The following MED15 variants were observed in gnomAD, a reference collection of about 807,000 sequenced individuals.
The protein encoded by MED15 is mediator complex subunit 15.
Under a neutral mutation model 118.7 loss-of-function variants are expected in MED15, and 41 were observed. The observed-to-expected ratio is 0.35, with a 90% CI of 0.27 to 0.45. MED15 has a LOEUF of 0.45. Among genes scored for constraint, MED15 ranks in the 20% least tolerant of loss-of-function variants. The pLI is 1.00. For missense variants in MED15, 740 were observed against 1,025.5 expected, an observed-to-expected ratio of 0.72 and a Z score of 3.80; for synonymous variants, 436 against 413.9, an observed-to-expected ratio of 1.05 and a Z score of -0.65.
At chr22:20,530,114 A>G (rs1285784816) in intron 1 of MED15, among the ~76,000 whole-genome samples, 1 of 152,094 alleles carries the variant, frequency 6.6e-6, no homozygotes, top group African/African-American at 2.4e-5. Flanking sequence ...CTGATATTGT[A>G]TAACTCTCCT....
At chr22:20,537,321 C>T (rs1029905722) in intron 2 of MED15, 117 bp downstream of exon 2, 11 of 797,702 alleles carry the variant, frequency 1.4e-5, no homozygotes, top group Middle Eastern at 3.3e-4. Context: ...GGTTGCTCAT[C>T]GATTGATCAC....
At chr22:20,532,666 GC>G (rs1285130854) in intron 1 of MED15, among the ~76,000 whole-genome samples, 1 of 152,160 alleles carries the variant, frequency 6.6e-6, no homozygotes, top group African/African-American at 2.4e-5. Flanking sequence ...GTGGCCCCCA[GC>G]CCCCTTCCTC....
intron 1 of MED15, among the ~76,000 whole-genome samples, chr22:20,516,309 G>A (rs954131800): frequency 3.3e-5 from 5 of 151,480 alleles, no homozygotes; most frequent in East Asian, 1.9e-4. Context: ...GCGAAACTCC[G>A]TCTCAATAAA....
At chr22:20,523,845 C>CT (rs34760138) in intron 1 of MED15, 8 of 985,258 alleles carry the variant, frequency 8.1e-6, no homozygotes, top group East Asian at 2.3e-4. Flanking sequence ...GGGCAGCAGC[C>CT]TTTTCTGCAG....
chr22:20,522,419 G>A (rs2054495874), intron 1 of MED15, among the ~76,000 whole-genome samples: 1 of 152,078 alleles, frequency 6.6e-6, no homozygotes, highest in Admixed American at 6.6e-5. Context: ...AATTTACTGG[G>A]TGCAGTGACA....
chr22:20,575,171 C>T lies in MED15; in HGVS notation c.1211C>T (p.Thr404Ile). 6.2e-7 allele frequency: 1 copy of T among 1,614,238 alleles called. No individual in the cohort carries two copies. Among genetic ancestry groups the T allele is most frequent in the African/African-American group, 1.3e-5 (1 of 75,076 alleles). The change falls in exon 9 of 18, where the codon ACC (threonine) becomes ATC (isoleucine). Residue 404 changes from threonine to isoleucine, a missense_variant. Around this residue, in one of 7 missense-constraint regions of MED15, gnomAD observed 384 missense variants for 506.3 expected, o/e 0.76. Transcript: ENST00000263205. ...GMHIRARFPPTTAVSAIPSSS... is the reference protein window; with the variant it reads ...GMHIRARFPPITAVSAIPSSS... ...CACATAAGAGCCCGGTTCCCGCCTA[C>T]CACCGCTGTGTCCGCCATCCCGTCA... is the stretch of plus-strand genomic sequence containing the variant.
intron 1 of MED15, among the ~76,000 whole-genome samples, chr22:20,536,423 C>T (rs2055084074): frequency 6.6e-6 from 1 of 152,208 alleles, no homozygotes; most frequent in Non-Finnish European, 1.5e-5. Context: ...GTACATGGCT[C>T]TTTATCCCCG....
rs1312359251 is a variant in MED15, at chr22:20,579,559, C to T, written c.1273-3052C>T. Among the ~76,000 whole-genome samples the T allele has an allele frequency of 1.1e-4, 17 of 152,038 alleles. 1 individual carries two copies. Among genetic ancestry groups the T allele is most frequent in the Admixed American group, 1.1e-3 (17 of 15,270 alleles). ...GGCGGGGGTGGGGATCGCGCAGTGCCGCCAGCCTTGCCTGAGGGTTCCTCT... is the reference window on the plus strand; with the variant it reads ...GGCGGGGGTGGGGATCGCGCAGTGCTGCCAGCCTTGCCTGAGGGTTCCTCT... On this transcript the variant is annotated intron_variant, in intron 9 of 17. Coordinates refer to ENST00000263205, the MANE Select transcript of MED15 (RefSeq NM_001003891.3).
At position 20,586,596 on chromosome 22, in the gene MED15, C is replaced by T. The variant is rs757825499; in HGVS notation, c.2259C>T (p.His753=). Residue 753 remains histidine (H), a synonymous_variant, in exon 18 of 18, where the codon CAC becomes CAT. Coordinates refer to ENST00000263205, the MANE Select transcript of MED15 (RefSeq NM_001003891.3). The part of the protein sequence containing the change: ...YDANPFLQSV[H]RCMTSRLLQL... ...CCAACCCCTTCCTCCAGTCGGTGCACCGCTGCATGACCTCCAGGCTGCTGC... is the reference window on the plus strand; with the variant it reads ...CCAACCCCTTCCTCCAGTCGGTGCATCGCTGCATGACCTCCAGGCTGCTGC... The T allele has an allele frequency of 6.2e-7, 1 of 1,612,998 alleles. No individual in the cohort carries two copies. The highest frequency in any genetic ancestry group is 8.5e-7 in the Non-Finnish European group (1 of 1,179,960).
intron 1 of MED15, among the ~76,000 whole-genome samples, chr22:20,515,206 T>G (rs2054206638): frequency 6.6e-6 from 1 of 152,228 alleles, no homozygotes; most frequent in South Asian, 2.1e-4. Flanking sequence ...AGGCATGCTA[T>G]GCCAAGCCCT....
chr22:20,562,112 G>A (rs1218720240), intron 5 of MED15, among the ~76,000 whole-genome samples: 1 of 152,116 alleles, frequency 6.6e-6, no homozygotes, highest in Non-Finnish European at 1.5e-5. Flanking sequence ...AATGAGCCAC[G>A]ATGGAGACAC....
At chr22:20,512,429 C>G (rs1166155307) in intron 1 of MED15, among the ~76,000 whole-genome samples, 5 of 151,982 alleles carry the variant, frequency 3.3e-5, no homozygotes, top group African/African-American at 1.2e-4. Context: ...AGGATCCTTC[C>G]CTGCTTGATC....
rs1569258932 is a variant in MED15, at chr22:20,587,014, C to T, written c.*310C>T. 1 of 446,208 alleles carries T rather than the reference C, an allele frequency of 2.2e-6. No individual in the cohort carries two copies. The allele number at this position is 446,208 out of a possible 1,614,324, so 27.6% of individuals were successfully genotyped here. ...TGGCCTGTCCACGGTCCAGGTCCAT[C>T]TCAGCAGCGTGAGGGTGCACTCAGG... On this transcript the variant is annotated 3_prime_UTR_variant, in exon 18 of 18. Transcript: ENST00000263205.
At chr22:20,582,231 C>T in intron 9 of MED15, 1 of 332,622 alleles carries the variant, frequency 3.0e-6, no homozygotes, top group South Asian at 3.0e-5. Context: ...CCTCACCGAC[C>T]CACAGAGGAG....
At position 20,586,631 on chromosome 22, in the gene MED15, A is replaced by G. The variant is rs1202023563; in HGVS notation, c.2294A>G (p.Asp765Gly). ...CMTSRLLQLP[D>G]KHSVTALLNT... ...ACCTCCAGGCTGCTGCAGCTCCCGG[A>G]CAAGCACTCGGTCACCGCCTTGCTC... Residue 765 changes from aspartate (D) to glycine (G), a missense_variant, in exon 18 of 18, where the codon GAC (aspartate) becomes GGC (glycine). Physicochemically the swap from Asp to Gly is moderately conservative, Grantham distance 94. This residue lies in a region of MED15 where 179 missense variants were observed against 259.0 expected (regional missense o/e 0.69). Transcript: ENST00000263205. The G allele has an allele frequency of 1.2e-6, 2 of 1,612,860 alleles. No homozygotes were observed. The highest frequency in any genetic ancestry group is 1.7e-6 in the Non-Finnish European group (2 of 1,179,954).
rs1481845864 is a variant in MED15 at position 20,540,012 on chromosome 22, TTTTA to T, written c.156+2820_156+2823del. Among the ~76,000 whole-genome samples, 7 of 152,234 alleles carry T rather than the reference TTTTA, an allele frequency of 4.6e-5. No homozygotes were observed. In the East Asian group the frequency reaches 5.8e-4, roughly 13 times the overall value. ...ATAATTTGCAAATATATAGGGGGGA[TTTTA>T]TTTATTTATTTTTATTTTTGTTTTT... On this transcript the variant is annotated intron_variant, in intron 2 of 17. Coordinates refer to ENST00000263205, the MANE Select transcript of MED15 (RefSeq NM_001003891.3).
In MED15 at chr22:20,566,651, A is replaced by T. The variant is rs149450332; in HGVS notation, c.875A>T (p.Gln292Leu). The change falls in exon 7 of 18, where the codon CAG becomes CTG. Residue 292 changes from glutamine (Q) to leucine (L), a missense_variant. Physicochemically the swap from Gln to Leu is moderately radical, Grantham distance 113. This residue lies in a region of MED15 where 384 missense variants were observed against 506.3 expected (regional missense o/e 0.76). Transcript: ENST00000263205. ...CAGGCTCTGCCCCAGCAGCTGCAGCAGATGCATCACACACAGCACCACCAG... is the reference window on the plus strand; with the variant it reads ...CAGGCTCTGCCCCAGCAGCTGCAGCTGATGCATCACACACAGCACCACCAG... The part of the protein sequence containing the change: ...PSQALPQQLQ[Q>L]MHHTQHHQPP... 1.9e-6 allele frequency: 3 copies of T among 1,614,044 alleles called. No individual in the cohort carries two copies. Among genetic ancestry groups the T allele is most frequent in the Non-Finnish European group, 2.5e-6 (3 of 1,180,018 alleles).
chr22:20,548,783 T>C (rs1175932184), intron 2 of MED15, among the ~76,000 whole-genome samples: 1 of 152,204 alleles, frequency 6.6e-6, no homozygotes, highest in Admixed American at 6.5e-5. Context: ...GATTTCCACA[T>C]GTCAAGCAAG....
At chr22:20,550,809 A>G (rs2146512716) in intron 2 of MED15, among the ~76,000 whole-genome samples, 1 of 152,372 alleles carries the variant, frequency 6.6e-6, no homozygotes, top group South Asian at 2.1e-4. Flanking sequence ...TCTCAGAAAC[A>G]CAGCAGCTTG....
Sources: gnomAD v4.1 joint callset for allele counts (sites outside exome capture counted in the v4.1 genomes callset) on GRCh38, gnomAD v4.1.1 for gene constraint, gnomAD v4.1.1 regional missense constraint, MANE v1.5 for transcripts, NCBI Gene and HGNC (gene_info 2026-07-23, HGNC 2026-07-21) for gene names.